The following UBE2E2 variants were observed in gnomAD, a reference collection of about 807,000 sequenced individuals.
UBE2E2 encodes the protein ubiquitin-conjugating enzyme E2 E2.
In UBE2E2, 6 loss-of-function variants were observed where a neutral mutation model predicts 24.7. The ratio of observed to expected loss-of-function variants is 0.24; its 90% confidence interval spans 0.13 to 0.48. The LOEUF is 0.48. Ranked by LOEUF, UBE2E2 falls within the 20% of genes least tolerant of loss-of-function variation. The pLI, the probability that UBE2E2 is intolerant of heterozygous loss-of-function variation, is 0.99. For missense variants in UBE2E2, 169 were observed against 245.0 expected, an observed-to-expected ratio of 0.69 and a Z score of 2.07; for synonymous variants, 104 against 83.6, an observed-to-expected ratio of 1.24 and a Z score of -1.33.
chr3:23,359,514 A>G (rs6807390), intron 3 of UBE2E2, among the ~76,000 whole-genome samples: 44,035 of 151,960 alleles, frequency 0.29, 6,609 homozygotes, highest in East Asian at 0.36. Context: ...CATAATCTCT[A>G]TAACTGGTGT....
intron 3 of UBE2E2, among the ~76,000 whole-genome samples, chr3:23,418,102 G>T (rs905430515): frequency 2.0e-5 from 3 of 152,090 alleles, no homozygotes; most frequent in African/African-American, 7.2e-5. Context: ...CACCACTGGG[G>T]TATGAAAAAA....
chr3:23,545,927 T>C (rs1337594608), intron 5 of UBE2E2, among the ~76,000 whole-genome samples: 1 of 152,196 alleles, frequency 6.6e-6, no homozygotes. Context: ...CCAAATACCT[T>C]AAGTTCTCAC....
chr3:23,295,022 G>A (rs1280406288), intron 3 of UBE2E2, among the ~76,000 whole-genome samples: 3 of 151,982 alleles, frequency 2.0e-5, no homozygotes, highest in Admixed American at 6.6e-5. Flanking sequence ...ATTTAAACAT[G>A]TGTAAATTTT....
At chr3:23,461,379 T>G (rs1698801714) in intron 3 of UBE2E2, among the ~76,000 whole-genome samples, 2 of 152,150 alleles carry the variant, frequency 1.3e-5, no homozygotes, top group African/African-American at 4.8e-5. Context: ...AAATTAAAAC[T>G]GACCAATAAA....
In UBE2E2 at chr3:23,438,434, C is replaced by T. The variant is rs184125182; in HGVS notation, c.228-61174C>T. Among the ~76,000 whole-genome samples, 282 of 152,238 alleles carry T rather than the reference C, an allele frequency of 1.9e-3. 6 individuals carry two copies. Among genetic ancestry groups the T allele is most frequent in the Admixed American group, 0.014 (211 of 15,296 alleles). On this transcript the variant is annotated intron_variant, in intron 3 of 5. Transcript: ENST00000396703. ...GTACTCAAAATTAGATGATACATTT[C>T]TGTATTTTCTGTAGTGATAGAAGTT...
At chr3:23,542,370 C>A (rs1695414179) in intron 5 of UBE2E2, among the ~76,000 whole-genome samples, 3 of 152,076 alleles carry the variant, frequency 2.0e-5, no homozygotes, top group Non-Finnish European at 2.9e-5. Flanking sequence ...TAGTCCATGT[C>A]CAATTTGGTA....
chr3:23,585,256 C>G (rs1246384120), intron 5 of UBE2E2, among the ~76,000 whole-genome samples: 1 of 151,204 alleles, frequency 6.6e-6, no homozygotes, highest in Non-Finnish European at 1.5e-5. Context: ...CCTGTAGTCC[C>G]AGCTACTCAA....
rs562485590 is a variant in UBE2E2, at chr3:23,551,433, T to G, written c.508+18732T>G. Among the ~76,000 whole-genome samples, 4 of 152,324 alleles carry G rather than the reference T, an allele frequency of 2.6e-5. No homozygotes were observed. The South Asian group carries it at 6.2e-4, about 24-fold the overall frequency. On this transcript the variant is annotated intron_variant, in intron 5 of 5. Coordinates refer to ENST00000396703, the MANE Select transcript of UBE2E2 (RefSeq NM_152653.4). ...CCAGAATATTAAACTGAAGAGAAAC[T>G]TATGTTGGCTCTATATTAGTAGAAA...
At chr3:23,292,113 C>T (rs150034976) in intron 3 of UBE2E2, among the ~76,000 whole-genome samples, 4,370 of 152,104 alleles carry the variant, frequency 0.029, 110 homozygotes, top group East Asian at 0.13. Context: ...TCACCTTGGC[C>T]TCCCAAAGTG....
intron 3 of UBE2E2, among the ~76,000 whole-genome samples, chr3:23,497,004 T>C (rs773717333): frequency 2.6e-5 from 4 of 152,194 alleles, no homozygotes; most frequent in Non-Finnish European, 2.9e-5. Flanking sequence ...TGCTGTATTC[T>C]TACAATAAAG....
intron 3 of UBE2E2, among the ~76,000 whole-genome samples, chr3:23,232,904 G>A (rs1218320303): frequency 2.6e-5 from 4 of 152,240 alleles, no homozygotes; most frequent in Middle Eastern, 3.2e-3. Flanking sequence ...TGGTGAACTG[G>A]AAGAAGGTGA....
chr3:23,402,799 A>G (rs1181851950), intron 3 of UBE2E2, among the ~76,000 whole-genome samples: 1 of 152,196 alleles, frequency 6.6e-6, no homozygotes, highest in African/African-American at 2.4e-5. Flanking sequence ...GATCTAGCTC[A>G]AGACCCTTAG....
At chr3:23,446,017 A>G (rs1698421271) in intron 3 of UBE2E2, among the ~76,000 whole-genome samples, 1 of 152,092 alleles carries the variant, frequency 6.6e-6, no homozygotes, top group Admixed American at 6.5e-5. Flanking sequence ...CCCATTTCTT[A>G]AACAGAGAAA....
At chr3:23,571,031 G>A (rs1348709636) in intron 5 of UBE2E2, among the ~76,000 whole-genome samples, 1 of 152,018 alleles carries the variant, frequency 6.6e-6, no homozygotes, top group Non-Finnish European at 1.5e-5. Flanking sequence ...GGGACAAGAT[G>A]CATGCTAGCA....
At chr3:23,366,637 A>G (rs1298974894) in intron 3 of UBE2E2, among the ~76,000 whole-genome samples, 2 of 152,086 alleles carry the variant, frequency 1.3e-5, no homozygotes, top group African/African-American at 2.4e-5. Flanking sequence ...GGGAGGAGGG[A>G]GGGGATTGAA....
At chr3:23,551,927 C>T (rs1207531226) in intron 5 of UBE2E2, among the ~76,000 whole-genome samples, 1 of 152,142 alleles carries the variant, frequency 6.6e-6, no homozygotes, top group Non-Finnish European at 1.5e-5. Flanking sequence ...TAAACTAGGT[C>T]ATAAGGGTGG....
At chr3:23,207,961 C>T (rs1280843816) in intron 1 of UBE2E2, among the ~76,000 whole-genome samples, 2 of 152,098 alleles carry the variant, frequency 1.3e-5, no homozygotes, top group Non-Finnish European at 2.9e-5. Flanking sequence ...CACAGGGAAG[C>T]ATCATACCCA....
At chr3:23,327,450 C>T (rs115015521) in intron 3 of UBE2E2, among the ~76,000 whole-genome samples, 53 of 152,296 alleles carry the variant, frequency 3.5e-4, no homozygotes, top group African/African-American at 1.0e-3. Flanking sequence ...ATCTGCAATA[C>T]GGAATCTGAT....
chr3:23,331,207 A>G (rs1474057523), intron 3 of UBE2E2, among the ~76,000 whole-genome samples: 2 of 152,216 alleles, frequency 1.3e-5, no homozygotes, highest in Non-Finnish European at 2.9e-5. Flanking sequence ...AGAAAATGGA[A>G]TATTGGTACA....
Sources: allele counts gnomAD v4.1 joint callset (sites outside exome capture counted in the v4.1 genomes callset), GRCh38; gene constraint gnomAD v4.1.1; transcripts MANE v1.5; gene names NCBI Gene and HGNC (gene_info 2026-07-23, HGNC 2026-07-21).